The following CDH7 variants were observed in gnomAD, a reference collection of about 807,000 sequenced individuals.
CDH7 encodes cadherin 7, also known as cadherin-7.
CDH7 carries 25 observed loss-of-function variants against 71.8 expected under a neutral mutation model. The ratio of observed to expected loss-of-function variants is 0.35; its 90% CI spans 0.25 to 0.49. CDH7 has a LOEUF of 0.49. CDH7 is among the 20% of genes least tolerant of loss of function. The probability of loss-of-function intolerance (pLI) is 0.99; values close to 1 mark genes in which losing one functional copy is unlikely to be tolerated. For missense variants in CDH7, 862 were observed against 974.6 expected, an observed-to-expected ratio of 0.88 and a Z score of 1.54; for synonymous variants, 381 against 363.8, an observed-to-expected ratio of 1.05 and a Z score of -0.54.
Position 65,853,924 on chromosome 18 carries a change from T to TATCC in CDH7, c.1236-3890_1236-3889insCCAT, listed in dbSNP as rs1555689493. On this transcript the variant is annotated intron_variant, in intron 7 of 11. Coordinates refer to ENST00000397968, the MANE Select transcript of CDH7 (RefSeq NM_004361.5). ...AAATTACCATATATATATATATATATATATATATATATATATATATATATA... is the reference window on the plus strand; with the variant it reads ...AAATTACCATATATATATATATATATATCCATATATATATATATATATATATATA... Among the ~76,000 whole-genome samples, 20 of 84,704 alleles carry TATCC rather than the reference T, an allele frequency of 2.4e-4. 1 individual carries two copies. The highest frequency in any genetic ancestry group is 8.3e-4 in the African/African-American group (18 of 21,786). The allele number at this position is 84,704 out of a possible 152,430, so 55.6% of individuals were successfully genotyped here.
chr18:65,823,501 G>A (rs1244686900), intron 5 of CDH7, among the ~76,000 whole-genome samples: 2 of 151,750 alleles, frequency 1.3e-5, no homozygotes, highest in African/African-American at 4.8e-5. Flanking sequence ...AAAAGCCAGG[G>A]ATATACCATT....
At chr18:65,806,797 GT>G (rs750270534) in intron 2 of CDH7, among the ~76,000 whole-genome samples, 4 of 152,112 alleles carry the variant, frequency 2.6e-5, no homozygotes, top group African/African-American at 7.2e-5. Context: ...GGAGAGAGGA[GT>G]TTTTTACTAA....
chr18:65,844,483 G>T (rs1912865742), intron 7 of CDH7, among the ~76,000 whole-genome samples: 1 of 151,824 alleles, frequency 6.6e-6, no homozygotes, highest in Non-Finnish European at 1.5e-5. Context: ...TCATTTTATT[G>T]ATATTGGTCT....
chr18:65,800,611 C>CA (rs1306144130), intron 2 of CDH7, among the ~76,000 whole-genome samples: 5 of 152,080 alleles, frequency 3.3e-5, no homozygotes, highest in African/African-American at 1.2e-4. Context: ...TAGAAACCTA[C>CA]ATACTAAATT....
intron 6 of CDH7, among the ~76,000 whole-genome samples, chr18:65,827,789 A>G (rs891566520): frequency 1.3e-5 from 2 of 151,952 alleles, no homozygotes; most frequent in African/African-American, 2.4e-5. Context: ...CCTAAGCAGT[A>G]TGGTCTGCAA....
At chr18:65,868,407 G>T (rs1913830381) in intron 11 of CDH7, among the ~76,000 whole-genome samples, 1 of 152,182 alleles carries the variant, frequency 6.6e-6, no homozygotes, top group Non-Finnish European at 1.5e-5. Flanking sequence ...GAATGAACAA[G>T]TGTCAGAGTC....
chr18:65,850,223 A>G (rs1448637974), intron 7 of CDH7, among the ~76,000 whole-genome samples: 3 of 148,950 alleles, frequency 2.0e-5, no homozygotes, highest in Non-Finnish European at 4.4e-5. Flanking sequence ...ACATTAATAA[A>G]GGAATACAAA....
At chr18:65,838,099 A>G (rs1278772252) in intron 6 of CDH7, among the ~76,000 whole-genome samples, 1 of 151,706 alleles carries the variant, frequency 6.6e-6, no homozygotes, top group Non-Finnish European at 1.5e-5. Context: ...TAACTTTTGT[A>G]TTTTTAGTAG....
chr18:65,858,850 C>A, intron 8 of CDH7, 75 bp from the exon 9 acceptor site: 1 of 1,425,176 alleles, frequency 7.0e-7, no homozygotes. Context: ...TCATTCTCAG[C>A]TTCGTCATTT....
chr18:65,782,188 TGACAGAG>T (rs1910335951), intron 2 of CDH7, among the ~76,000 whole-genome samples: 1 of 71,412 alleles, frequency 1.4e-5, no homozygotes, highest in Admixed American at 1.2e-4. Context: ...CTTTCTTTCT[TGACAGAG>T]TCTCACTCCG....
At chr18:65,832,423 A>G (rs1290419057) in intron 6 of CDH7, among the ~76,000 whole-genome samples, 1 of 152,080 alleles carries the variant, frequency 6.6e-6, no homozygotes, top group African/African-American at 2.4e-5. Context: ...TACTGTTCCA[A>G]TATCTTATAC....
intron 4 of CDH7, among the ~76,000 whole-genome samples, chr18:65,817,798 A>T (rs1294575168): frequency 1.3e-5 from 2 of 152,190 alleles, no homozygotes; most frequent in Non-Finnish European, 2.9e-5. Context: ...TATTATATGA[A>T]ATTCATTTAT....
At chr18:65,810,297 A>G (rs1008177251) in intron 3 of CDH7, among the ~76,000 whole-genome samples, 3 of 152,310 alleles carry the variant, frequency 2.0e-5, no homozygotes, top group Non-Finnish European at 2.9e-5. Context: ...ATATTTTTAA[A>G]TGATTACAGT....
chr18:65,848,839 C>T lies in CDH7; in HGVS notation c.1235+4774C>T, dbSNP rs561961009. Among the ~76,000 whole-genome samples, 93 of 88,628 alleles carry T rather than the reference C, an allele frequency of 1.0e-3. 2 individuals are homozygous for T. In the East Asian group the frequency reaches 0.094, roughly 90 times the overall value. The allele number at this position is 88,628 out of a possible 152,430, so 58.1% of individuals were successfully genotyped here. A position where few individuals can be genotyped will look rare whatever the true frequency, so the allele number is the denominator to read the frequency against. On this transcript the variant is annotated intron_variant, in intron 7 of 11. Transcript: ENST00000397968. ...AAAGGATACTTGGATAATATTTACC[C>T]GTGGGCTTTTTCAGCATTCCTAGTA...
chr18:65,822,072 A>G lies in CDH7; in HGVS notation c.626-9A>G. On this transcript the variant is annotated splice_polypyrimidine_tract_variant and intron_variant, in intron 4 of 11. Transcript: ENST00000397968. Reference sequence around the variant, plus strand: ...ATGATGAGTTTTACTGGGATTTGAAATTTTACAGGAGTCATCAAGACTGCC... The same window carrying G: ...ATGATGAGTTTTACTGGGATTTGAAGTTTTACAGGAGTCATCAAGACTGCC... 6.2e-7 allele frequency: 1 copy of G among 1,609,572 alleles called. No homozygotes were observed. The highest frequency in any genetic ancestry group is 8.5e-7 in the Non-Finnish European group (1 of 1,175,980).
In CDH7 at chr18:65,888,352, T is replaced by C. The variant is rs1043238669; in HGVS notation, c.*7458T>C. 1 of 152,036 alleles carries C rather than the reference T, an allele frequency of 6.6e-6. No individual in the cohort carries two copies. The highest frequency in any genetic ancestry group is 1.5e-5 in the Non-Finnish European group (1 of 68,018). The allele number at this position is 152,036 out of a possible 1,614,324, so 9.4% of individuals were successfully genotyped here. A position where few individuals can be genotyped will look rare whatever the true frequency, so the allele number is the denominator to read the frequency against. On this transcript the variant is annotated 3_prime_UTR_variant, in exon 12 of 12. Transcript: ENST00000397968. ...TGTATTTTTAAAAAATAAGAAAAAATTATCACAGAGTAAGATACATAGAAG... is the reference window on the plus strand; with the variant it reads ...TGTATTTTTAAAAAATAAGAAAAAACTATCACAGAGTAAGATACATAGAAG...
At chr18:65,826,544 A>G (rs1429499649) in intron 6 of CDH7, among the ~76,000 whole-genome samples, 1 of 81,144 alleles carries the variant, frequency 1.2e-5, no homozygotes, top group Non-Finnish European at 2.9e-5. Context: ...GGCAGTATCC[A>G]AACTTTTACA....
Position 65,763,377 on chromosome 18 carries a change from C to A in CDH7, c.210+325C>A, listed in dbSNP as rs147701099. On this transcript the variant is annotated intron_variant, in intron 2 of 11. Coordinates refer to ENST00000397968, the MANE Select transcript of CDH7 (RefSeq NM_004361.5). ...GTTACCAAAGTGGAACAAGACTATTCATAAAAAATGAAGAGTAGTGGGTTC... is the reference window on the plus strand; with the variant it reads ...GTTACCAAAGTGGAACAAGACTATTAATAAAAAATGAAGAGTAGTGGGTTC... Among the ~76,000 whole-genome samples, 1,148 of 152,190 alleles carry A rather than the reference C, an allele frequency of 7.5e-3. 23 individuals carry two copies. Among genetic ancestry groups the A allele is most frequent in the South Asian group, 0.022 (107 of 4,822 alleles).
chr18:65,858,886 G>T, intron 8 of CDH7, 39 bp from the exon 9 acceptor site: 2 of 1,587,720 alleles, frequency 1.3e-6, no homozygotes, highest in Non-Finnish European at 8.6e-7. Context: ...GCTTTAGATG[G>T]GCAAAGAGTA....
Sources: allele counts gnomAD v4.1 joint callset (sites outside exome capture counted in the v4.1 genomes callset), GRCh38; gene constraint gnomAD v4.1.1; transcripts MANE v1.5; gene names NCBI Gene and HGNC (gene_info 2026-07-23, HGNC 2026-07-21).